Variants in PNPT1 observed in about 807,000 individuals in gnomAD.
The protein encoded by PNPT1 is polyribonucleotide nucleotidyltransferase 1.
Under a neutral mutation model 119.5 loss-of-function variants are expected in PNPT1, and 53 were observed. The ratio of observed to expected loss-of-function variants is 0.44; its 90% CI spans 0.36 to 0.56. The LOEUF is 0.56. Among genes scored for constraint, PNPT1 ranks in the 20% least tolerant of loss-of-function variants. The pLI is 0.00. For missense variants in PNPT1, 948 were observed against 938.5 expected, an observed-to-expected ratio of 1.01 and a Z score of -0.13; for synonymous variants, 357 against 322.1, an observed-to-expected ratio of 1.11 and a Z score of -1.16.
intron 18 of PNPT1, 50 bp from the exon 19 acceptor site, chr2:55,647,503 A>G: frequency 7.1e-7 from 1 of 1,406,838 alleles, no homozygotes; most frequent in Non-Finnish European, 9.7e-7. Flanking sequence ...ATGAGCCTAA[A>G]ACAAATATTT....
At chr2:55,654,990 ATTT>A (rs750874825) in intron 17 of PNPT1, 37 bp from the exon 18 acceptor site, 1 of 1,544,636 alleles carries the variant, frequency 6.5e-7, no homozygotes. Context: ...TATTAAACTG[ATTT>A]TTTTAATGTA....
intron 13 of PNPT1, among the ~76,000 whole-genome samples, chr2:55,666,252 T>A (rs1696726392): frequency 6.6e-6 from 1 of 152,190 alleles, no homozygotes; most frequent in Non-Finnish European, 1.5e-5. Flanking sequence ...ATGTTCATTA[T>A]CTTTTTCATT....
At chr2:55,651,149 G>A (rs1696179415) in intron 18 of PNPT1, among the ~76,000 whole-genome samples, 1 of 149,658 alleles carries the variant, frequency 6.7e-6, no homozygotes, top group Non-Finnish European at 1.5e-5. Flanking sequence ...GCCCCTACTG[G>A]GAAGTGAGGA....
intron 14 of PNPT1, among the ~76,000 whole-genome samples, chr2:55,661,387 G>A (rs896525589): frequency 5.3e-5 from 8 of 151,934 alleles, no homozygotes; most frequent in Admixed American, 3.3e-4. Context: ...GAGCCACCAC[G>A]CCCGGCCTGC....
At chr2:55,672,683 C>T (rs945476713) in intron 9 of PNPT1, among the ~76,000 whole-genome samples, 2 of 152,210 alleles carry the variant, frequency 1.3e-5, no homozygotes, top group African/African-American at 4.8e-5. Flanking sequence ...CACACTCTTT[C>T]ATTTGAGATT....
Position 55,680,719 on chromosome 2 carries a change from T to C in PNPT1, c.558A>G (p.Gly186=). ...ALSLSDIPWN[G]PVGAVRIGII... ...TTTTAAATCCTAACTTACCAACAGG[T>C]CCATTCCAAGGAATATCTGATAATG... Residue 186 remains glycine, a synonymous_variant, in exon 7 of 28, where the codon GGA becomes GGG. Coordinates refer to ENST00000447944, the MANE Select transcript of PNPT1 (RefSeq NM_033109.5). 2 of 1,612,868 alleles carry C rather than the reference T, an allele frequency of 1.2e-6. No homozygotes were observed. Among genetic ancestry groups the C allele is most frequent in the Non-Finnish European group, 8.5e-7 (1 of 1,179,492 alleles).
intron 25 of PNPT1, among the ~76,000 whole-genome samples, chr2:55,642,605 C>CAAAAAAAAA (rs559417017): frequency 6.8e-5 from 3 of 44,214 alleles, no homozygotes; most frequent in African/African-American, 9.8e-5. Context: ...GACTCTGTCC[C>CAAAAAAAAA]AAAAAAAAAA....
chr2:55,673,122 C>A, intron 8 of PNPT1, 43 bp from the exon 9 acceptor site: 5 of 1,431,640 alleles, frequency 3.5e-6, no homozygotes, highest in Non-Finnish European at 4.7e-6. Context: ...GCCATCGAAG[C>A]TCTTAGTAAT....
chr2:55,672,629 A>G (rs774351183), intron 9 of PNPT1, among the ~76,000 whole-genome samples: 3 of 152,184 alleles, frequency 2.0e-5, no homozygotes, highest in African/African-American at 4.8e-5. Context: ...TCTTTTTCCT[A>G]GACGTGGAGA....
chr2:55,660,014 G>C, intron 15 of PNPT1, 143 bp downstream of exon 15: 1 of 684,378 alleles, frequency 1.5e-6, no homozygotes, highest in Non-Finnish European at 2.2e-6. Context: ...TGAGGCGGGA[G>C]GATGTCTTGA....
At chr2:55,655,478 G>C (rs889788727) in intron 17 of PNPT1, among the ~76,000 whole-genome samples, 2 of 152,178 alleles carry the variant, frequency 1.3e-5, no homozygotes, top group African/African-American at 2.4e-5. Flanking sequence ...ACTTCCTAGT[G>C]CATATCTTTT....
At chr2:55,673,433 G>A (rs1696973899) in intron 8 of PNPT1, among the ~76,000 whole-genome samples, 1 of 151,044 alleles carries the variant, frequency 6.6e-6, no homozygotes, top group African/African-American at 2.4e-5. Context: ...AAGTATACAA[G>A]TGCATTTGTT....
At chr2:55,666,030 TCAA>T (rs1272488261) in intron 13 of PNPT1, among the ~76,000 whole-genome samples, 1 of 152,062 alleles carries the variant, frequency 6.6e-6, no homozygotes, top group Non-Finnish European at 1.5e-5. Flanking sequence ...CTTGAACAGG[TCAA>T]CAATCACAAT....
rs1276789896 is a variant in PNPT1, at chr2:55,643,378, G to A, written c.1954C>T (p.Pro652Ser). The change falls in exon 24 of 28, where the codon CCA (proline) becomes TCA (serine). Residue 652 changes from proline to serine, a missense_variant. By Grantham distance (74) the Pro-to-Ser change is moderately conservative. Transcript: ENST00000447944. Reference protein sequence around the residue: ...VDEETFSVFAPTPSAMHEARD... With the variant: ...VDEETFSVFASTPSAMHEARD... ...GCCTCATGCATAGCACTGGGTGTTG[G>A]TGCAAATACAGAAAACGTTTCTTCA... is the stretch of plus-strand genomic sequence containing the variant. The A allele has an allele frequency of 1.2e-6, 2 of 1,614,130 alleles. No homozygotes were observed. The highest frequency in any genetic ancestry group is 1.7e-5 in the Admixed American group (1 of 60,006).
Position 55,667,908 on chromosome 2 carries a change from C to T in PNPT1, c.1027G>A (p.Val343Ile). The change falls in exon 12 of 28, where the codon GTT becomes ATT. Residue 343 changes from valine to isoleucine, a missense_variant. Coordinates refer to ENST00000447944, the MANE Select transcript of PNPT1 (RefSeq NM_033109.5). ...ATACTTCTAAAAACTTCCTTTGCAA[C>T]AACATTGAAGGATTCTATTATTTCA... is the stretch of plus-strand genomic sequence containing the variant. ...PYEIIESFNV[V>I]AKEVFRSIVL... 6.3e-7 allele frequency: 1 copy of T among 1,583,686 alleles called. No individual in the cohort carries two copies. The highest frequency in any genetic ancestry group is 8.5e-7 in the Non-Finnish European group (1 of 1,172,226).
At chr2:55,676,918 T>C (rs1697090539) in intron 8 of PNPT1, among the ~76,000 whole-genome samples, 1 of 151,256 alleles carries the variant, frequency 6.6e-6, no homozygotes, top group African/African-American at 2.4e-5. Flanking sequence ...AATAATGAAA[T>C]AGTAGCAATT....
chr2:55,644,732 T>C lies in PNPT1; in HGVS notation c.1823-12A>G, dbSNP rs1559087767. 3.2e-6 allele frequency: 5 copies of C among 1,578,022 alleles called. No individual in the cohort carries two copies. Among genetic ancestry groups the C allele is most frequent in the Non-Finnish European group, 4.4e-6 (5 of 1,149,222 alleles). ...AACCTGAACAGTTTCTGGAACGTAATACAGACAAATATATAAACAATTCAA... is the reference window on the plus strand; with the variant it reads ...AACCTGAACAGTTTCTGGAACGTAACACAGACAAATATATAAACAATTCAA... On this transcript the variant is annotated splice_polypyrimidine_tract_variant and intron_variant, in intron 22 of 27. Coordinates refer to ENST00000447944, the MANE Select transcript of PNPT1 (RefSeq NM_033109.5).
intron 26 of PNPT1, among the ~76,000 whole-genome samples, chr2:55,638,138 C>T (rs1010422352): frequency 6.6e-6 from 1 of 150,718 alleles, no homozygotes; most frequent in African/African-American, 2.4e-5. Context: ...CCTATCTCTA[C>T]TAAAAATACA....
chr2:55,646,756 T>C (rs1175202781), intron 19 of PNPT1, among the ~76,000 whole-genome samples: 1 of 151,184 alleles, frequency 6.6e-6, no homozygotes, highest in Non-Finnish European at 1.5e-5. Context: ...AGTGAGTCAT[T>C]ATGAATACTT....
Sources: allele counts gnomAD v4.1 joint callset (sites outside exome capture counted in the v4.1 genomes callset), GRCh38; gene constraint gnomAD v4.1.1; transcripts MANE v1.5; gene names NCBI Gene and HGNC (gene_info 2026-07-23, HGNC 2026-07-21).